The following STIP1 variants were observed in gnomAD, a reference collection of about 807,000 sequenced individuals.
The protein encoded by STIP1 is stress-induced-phosphoprotein 1.
STIP1 carries 16 observed loss-of-function variants against 77.4 expected under a neutral mutation model. That is an observed-to-expected ratio of 0.21 (90% CI 0.14 to 0.31). The LOEUF is 0.31. Among genes scored for constraint, STIP1 ranks in the 10% least tolerant of loss-of-function variants. The pLI, the probability that STIP1 is intolerant of heterozygous loss-of-function variation, is 1.00. For synonymous variants in STIP1, 258 were observed against 246.6 expected, an observed-to-expected ratio of 1.05 and a Z score of -0.44; for missense variants, 524 against 684.8, an observed-to-expected ratio of 0.77 and a Z score of 2.62.
At chr11:64,188,939 G>A (rs1011257438) in intron 1 of STIP1, among the ~76,000 whole-genome samples, 22 of 152,290 alleles carry the variant, frequency 1.4e-4, no homozygotes, top group African/African-American at 5.3e-4. Context: ...AAGTTGGGCC[G>A]GGTGCAGTGG....
rs768882566 is a variant in STIP1 at position 64,194,584 on chromosome 11, T to C, written c.467T>C (p.Ile156Thr). The C allele has an allele frequency of 6.2e-7, 1 of 1,614,184 alleles. No individual in the cohort carries two copies. The highest frequency in any genetic ancestry group is 1.1e-5 in the South Asian group (1 of 91,088). The change falls in exon 4 of 14, where the codon ATA becomes ACA. Residue 156 changes from isoleucine to threonine, a missense_variant. Ile to Thr is a moderately conservative substitution (Grantham distance 89, BLOSUM62 -1). Transcript: ENST00000305218. ...LLSDPTYREL[I>T]EQLRNKPSDL... ...AGTGATCCTACCTACCGGGAGCTGA[T>C]AGAGCAGCTACGAAACAAGCCTTCT...
At chr11:64,188,159 C>T (rs191007392) in intron 1 of STIP1, among the ~76,000 whole-genome samples, 4 of 151,918 alleles carry the variant, frequency 2.6e-5, no homozygotes, top group Admixed American at 6.6e-5. Context: ...CCAGCCTGGC[C>T]AACATGGTGA....
Position 64,203,560 on chromosome 11 carries a change from G to T in STIP1, c.1497G>T (p.Met499Ile). 1 of 1,614,222 alleles carries T rather than the reference G, an allele frequency of 6.2e-7. No individual in the cohort carries two copies. The highest frequency in any genetic ancestry group is 8.5e-7 in the Non-Finnish European group (1 of 1,180,042). Reference sequence around the variant, plus strand: ...CCGACCCTGAGGTGCAGCAGATCATGAGTGACCCAGCCATGCGCCTTATCC... The same window carrying T: ...CCGACCCTGAGGTGCAGCAGATCATTAGTGACCCAGCCATGCGCCTTATCC... ...AMADPEVQQI[M>I]SDPAMRLILE... is the part of the protein sequence containing the mutation. Residue 499 changes from methionine (M) to isoleucine (I), a missense_variant, in exon 13 of 14, where the codon ATG becomes ATT. Physicochemically the swap from Met to Ile is conservative, Grantham distance 10. Transcript: ENST00000305218.
At chr11:64,197,095 T>C in intron 5 of STIP1, 176 bp from the exon 6 acceptor site, 1 of 794,532 alleles carries the variant, frequency 1.3e-6, no homozygotes, top group Non-Finnish European at 2.0e-6. Context: ...GAAGTTAGTT[T>C]TCATTCTAAC....
At chr11:64,199,206 A>T (rs1206043341) in intron 8 of STIP1, among the ~76,000 whole-genome samples, 1 of 147,526 alleles carries the variant, frequency 6.8e-6, no homozygotes, top group African/African-American at 2.5e-5. Context: ...CTCAAAAAAA[A>T]AAATCTTGCC....
chr11:64,197,448 G>A (rs1303779308), intron 6 of STIP1, 45 bp from the exon 7 acceptor site: 1 of 1,614,000 alleles, frequency 6.2e-7, no homozygotes, highest in East Asian at 2.2e-5. Flanking sequence ...CTCTGAGGGA[G>A]GAAGCAAAGA....
chr11:64,203,682 T>A, intron 13 of STIP1, 60 bp downstream of exon 13: 1 of 1,603,174 alleles, frequency 6.2e-7, no homozygotes, highest in Non-Finnish European at 8.5e-7. Flanking sequence ...GGCAGATGAG[T>A]GCACGCGGCT....
At chr11:64,190,019 C>T (rs1476427999) in intron 1 of STIP1, among the ~76,000 whole-genome samples, 1 of 124,386 alleles carries the variant, frequency 8.0e-6, no homozygotes, top group African/African-American at 2.8e-5. Flanking sequence ...TTTTTTTTTC[C>T]AAATAGAGTC....
chr11:64,190,546 C>CTCAGTTAA (rs1946081059), intron 1 of STIP1, among the ~76,000 whole-genome samples: 1 of 152,114 alleles, frequency 6.6e-6, no homozygotes, highest in South Asian at 2.1e-4. Context: ...AACTCCTGAC[C>CTCAGTTAA]TCAGTTAATC....
At chr11:64,198,754 T>TG (rs1946179800) in intron 8 of STIP1, among the ~76,000 whole-genome samples, 1 of 37,046 alleles carries the variant, frequency 2.7e-5, no homozygotes, top group African/African-American at 7.7e-5. Flanking sequence ...TTTTTTGTGG[T>TG]TTTTTTTTTT....
chr11:64,202,811 T>G, intron 10 of STIP1, 65 bp from the exon 11 acceptor site: 61 of 1,592,786 alleles, frequency 3.8e-5, no homozygotes, highest in Non-Finnish European at 4.6e-5. Flanking sequence ...TCCACATGCT[T>G]GAGTTGCCTG....
chr11:64,195,551 C>T, intron 4 of STIP1, 94 bp from the exon 5 acceptor site: 1 of 1,310,260 alleles, frequency 7.6e-7, no homozygotes, highest in Non-Finnish European at 1.0e-6. Context: ...CTTCTAAACA[C>T]AAGAATCTGA....
chr11:64,193,024 G>C, intron 1 of STIP1, 54 bp from the exon 2 acceptor site: 1 of 1,556,280 alleles, frequency 6.4e-7, no homozygotes, highest in Admixed American at 1.7e-5. Context: ...TGTCTTTAAA[G>C]CTTGGGATTA....
At chr11:64,194,352 C>A in intron 3 of STIP1, 22 bp downstream of exon 3, 1 of 1,612,446 alleles carries the variant, frequency 6.2e-7, no homozygotes, top group Non-Finnish European at 8.5e-7. Context: ...GCACAGTTTT[C>A]TTTCTTATTA....
At chr11:64,189,863 T>C (rs1287960682) in intron 1 of STIP1, among the ~76,000 whole-genome samples, 2 of 152,194 alleles carry the variant, frequency 1.3e-5, no homozygotes, top group Non-Finnish European at 2.9e-5. Flanking sequence ...CTTCGTCTTC[T>C]GGCCTCCATC....
chr11:64,194,516 G>A lies in STIP1; in HGVS notation c.399G>A (p.Leu133=), dbSNP rs765097031. Residue 133 remains leucine, a synonymous_variant, in exon 4 of 14, where the codon CTG becomes CTA. Transcript: ENST00000305218. ...TGAACCCTTTCAACATGCCTAATCT[G>A]TATCAGAAGTTGGAGAGTGATCCCA... The part of the protein sequence containing the change: ...KFMNPFNMPN[L]YQKLESDPRT... 9.3e-6 allele frequency: 15 copies of A among 1,614,044 alleles called. No individual in the cohort carries two copies. Among genetic ancestry groups the A allele is most frequent in the Non-Finnish European group, 1.2e-5 (14 of 1,180,050 alleles).
At chr11:64,192,706 G>T (rs1464783695) in intron 1 of STIP1, among the ~76,000 whole-genome samples, 1 of 152,204 alleles carries the variant, frequency 6.6e-6, no homozygotes, top group Non-Finnish European at 1.5e-5. Context: ...CTAGGGCTGT[G>T]CTCTGTTTGT....
intron 10 of STIP1, among the ~76,000 whole-genome samples, chr11:64,200,661 C>T (rs1377719290): frequency 1.3e-5 from 2 of 151,036 alleles, no homozygotes; most frequent in African/African-American, 4.9e-5. Context: ...CTAACTGGTC[C>T]TGGTCCATGG....
At chr11:64,198,018 A>G (rs1421815623) in intron 8 of STIP1, 44 bp downstream of exon 8, 2 of 1,570,258 alleles carry the variant, frequency 1.3e-6, no homozygotes, top group Non-Finnish European at 1.7e-6. Context: ...TTTCCTAATA[A>G]TTGAGCCATT....
Sources: allele counts gnomAD v4.1 joint callset (sites outside exome capture counted in the v4.1 genomes callset), GRCh38; gene constraint gnomAD v4.1.1; transcripts MANE v1.5; gene names NCBI Gene and HGNC (gene_info 2026-07-23, HGNC 2026-07-21).